PDZRN3: variants seen among roughly 807,000 people sequenced by gnomAD.
PDZRN3 encodes the protein E3 ubiquitin-protein ligase PDZRN3.
In PDZRN3, 38 loss-of-function variants were observed where a neutral mutation model predicts 85.7. The ratio of observed to expected loss-of-function variants is 0.44; its 90% CI spans 0.34 to 0.58. The LOEUF (loss-of-function observed/expected upper bound fraction) is 0.58, where lower values mean the gene tolerates loss of function less well. Among genes scored for constraint, PDZRN3 ranks in the 20% least tolerant of loss-of-function variants. The probability of loss-of-function intolerance (pLI) is 0.01; values close to 1 mark genes in which losing one functional copy is unlikely to be tolerated. For synonymous variants in PDZRN3, 759 were observed against 638.0 expected (o/e 1.19, Z -2.86); for missense variants, 1,629 against 1,506.4 (o/e 1.08, Z -1.35).
Position 73,439,728 on chromosome 3 carries a change from A to ATATTTTATTT in PDZRN3, c.919-35343_919-35334dup, listed in dbSNP as rs55923666. On this transcript the variant is annotated intron_variant, in intron 3 of 9. Coordinates refer to ENST00000263666, the MANE Select transcript of PDZRN3 (RefSeq NM_015009.3). ...GCTCAGAACATCTGCTTAGGCCCTC[A>ATATTTTATTT]TATTTTATTTTATTTTATTTTATTT... Among the ~76,000 whole-genome samples, 485 of 150,998 alleles carry ATATTTTATTT rather than the reference A, an allele frequency of 3.2e-3. 3 individuals carry two copies. The highest frequency in any genetic ancestry group is 0.015 in the Admixed American group (224 of 15,154).
intron 3 of PDZRN3, among the ~76,000 whole-genome samples, chr3:73,497,751 C>T (rs1424173326): frequency 6.6e-6 from 1 of 152,146 alleles, no homozygotes; most frequent in African/African-American, 2.4e-5. Flanking sequence ...CCATATATAT[C>T]TAGGGATATA....
At chr3:73,611,588 T>C (rs1702686313) in intron 1 of PDZRN3, among the ~76,000 whole-genome samples, 1 of 152,206 alleles carries the variant, frequency 6.6e-6, no homozygotes, top group African/African-American at 2.4e-5. Context: ...TAAAGCAACA[T>C]GTAGAAGATT....
chr3:73,534,570 G>T (rs537541414), intron 3 of PDZRN3, among the ~76,000 whole-genome samples: 3 of 152,144 alleles, frequency 2.0e-5, no homozygotes, highest in Non-Finnish European at 4.4e-5. Flanking sequence ...ATGTTCATGG[G>T]AACTAATGAC....
At chr3:73,623,966 G>A (rs1388738555) in intron 1 of PDZRN3, 137 bp downstream of exon 1, 6 of 849,602 alleles carry the variant, frequency 7.1e-6, no homozygotes, top group Non-Finnish European at 1.0e-5. Flanking sequence ...GATACAGCTG[G>A]TAAGCAGTGG....
intron 3 of PDZRN3, among the ~76,000 whole-genome samples, chr3:73,592,013 T>C (rs544248634): frequency 1.1e-3 from 161 of 152,278 alleles, no homozygotes; most frequent in African/African-American, 3.7e-3. Context: ...TGGTTTCTCT[T>C]CCCCTGTTAT....
At chr3:73,434,854 TCTC>T (rs1444033346) in intron 3 of PDZRN3, among the ~76,000 whole-genome samples, 7 of 152,230 alleles carry the variant, frequency 4.6e-5, no homozygotes, top group African/African-American at 1.7e-4. Context: ...GCCTTGCTTC[TCTC>T]CTCCTTCAGC....
In PDZRN3 at chr3:73,383,284, A is replaced by C; in HGVS notation, c.*81T>G. 1 of 1,351,892 alleles carries C rather than the reference A, an allele frequency of 7.4e-7. No individual in the cohort carries two copies. Among genetic ancestry groups the C allele is most frequent in the Non-Finnish European group, 1.0e-6 (1 of 982,332 alleles). 83.7% of individuals were successfully genotyped at this position (1,351,892 alleles called of 1,614,324 possible). ...AAGACCGTACTTATCTTATATACAA[A>C]AACTTGCCGCATTGAACGAGGCAGG... is the stretch of plus-strand genomic sequence containing the variant. On this transcript the variant is annotated 3_prime_UTR_variant, in exon 10 of 10. Transcript: ENST00000263666.
At chr3:73,390,097 C>A (rs1339041305) in intron 6 of PDZRN3, among the ~76,000 whole-genome samples, 1 of 152,182 alleles carries the variant, frequency 6.6e-6, no homozygotes, top group African/African-American at 2.4e-5. Flanking sequence ...TGTGTAGCAA[C>A]CCTGTTACAC....
chr3:73,528,023 C>A (rs969715469), intron 3 of PDZRN3, among the ~76,000 whole-genome samples: 5 of 152,238 alleles, frequency 3.3e-5, no homozygotes, highest in Non-Finnish European at 5.9e-5. Flanking sequence ...ACACAATAAA[C>A]CTGGACAAAT....
chr3:73,425,017 A>ATT (rs201821381), intron 3 of PDZRN3, among the ~76,000 whole-genome samples: 2,288 of 143,398 alleles, frequency 0.016, 32 homozygotes, highest in Middle Eastern at 0.032. Flanking sequence ...ATCCATCAGT[A>ATT]TTTTTTTTTT....
At chr3:73,598,005 A>G (rs187024167) in intron 3 of PDZRN3, among the ~76,000 whole-genome samples, 1 of 152,204 alleles carries the variant, frequency 6.6e-6, no homozygotes, top group African/African-American at 2.4e-5. Context: ...CATCCCTAAG[A>G]GAATTTTGAG....
chr3:73,506,234 C>T (rs749656049), intron 3 of PDZRN3, among the ~76,000 whole-genome samples: 124 of 152,294 alleles, frequency 8.1e-4, no homozygotes, highest in Non-Finnish European at 1.4e-3. Flanking sequence ...TCAGGTTGAT[C>T]TTGCAACGTC....
chr3:73,433,602 C>A (rs1011364182), intron 3 of PDZRN3: 2 of 1,376,544 alleles, frequency 1.5e-6, no homozygotes, highest in South Asian at 1.2e-5. Context: ...CAGGTGGGTG[C>A]CTATGCACTT....
At chr3:73,560,370 A>G (rs965470676) in intron 3 of PDZRN3, among the ~76,000 whole-genome samples, 6 of 152,226 alleles carry the variant, frequency 3.9e-5, no homozygotes, top group African/African-American at 1.4e-4. Flanking sequence ...GACAGAATTC[A>G]ACCTCGAGGC....
At chr3:73,390,573 C>T (rs1243132115) in intron 6 of PDZRN3, among the ~76,000 whole-genome samples, 3 of 151,458 alleles carry the variant, frequency 2.0e-5, no homozygotes, top group Non-Finnish European at 2.9e-5. Flanking sequence ...TTGATAAGTA[C>T]ATACAAGTCA....
intron 1 of PDZRN3, among the ~76,000 whole-genome samples, chr3:73,610,106 G>A (rs1289885434): frequency 1.3e-5 from 2 of 152,130 alleles, no homozygotes; most frequent in African/African-American, 4.8e-5. Context: ...TTTCTTGTGA[G>A]CCTCAACATC....
rs150644495 is a variant in PDZRN3, at chr3:73,425,071, G to C, written c.919-20676C>G. Among the ~76,000 whole-genome samples, 283 of 150,962 alleles carry C rather than the reference G, an allele frequency of 1.9e-3. 2 individuals carry two copies. Among genetic ancestry groups the C allele is most frequent in the African/African-American group, 6.7e-3 (276 of 41,122 alleles). On this transcript the variant is annotated intron_variant, in intron 3 of 9. Transcript: ENST00000263666. Reference sequence around the variant, plus strand: ...GCTCTGTTGTCCAGGTTGGAGTGCAGTGGTATGATCTCGGCTCACTGCAAG... The same window carrying C: ...GCTCTGTTGTCCAGGTTGGAGTGCACTGGTATGATCTCGGCTCACTGCAAG...
Position 73,404,163 on chromosome 3 carries a change from T to C in PDZRN3, c.1151A>G (p.Tyr384Cys), listed in dbSNP as rs751116291. 43 of 1,613,742 alleles carry C rather than the reference T, an allele frequency of 2.7e-5. No homozygotes were observed. The highest frequency in any genetic ancestry group is 3.3e-5 in the Non-Finnish European group (39 of 1,179,800). Residue 384 changes from tyrosine (Y) to cysteine (C), a missense_variant, in exon 4 of 10, where the codon TAT becomes TGT. Coordinates refer to ENST00000263666, the MANE Select transcript of PDZRN3 (RefSeq NM_015009.3). The part of the protein sequence containing the change: ...SSPSPPVLDP[Y>C]LLPEEHPSAH... ...GGTTACTTACTCCTCTGGCAAGAGATAGGGATCCAGCACGGGTGGGCTGGG... is the reference window on the plus strand; with the variant it reads ...GGTTACTTACTCCTCTGGCAAGAGACAGGGATCCAGCACGGGTGGGCTGGG...
At chr3:73,613,026 C>T (rs1440812903) in intron 1 of PDZRN3, among the ~76,000 whole-genome samples, 1 of 152,210 alleles carries the variant, frequency 6.6e-6, no homozygotes, top group Non-Finnish European at 1.5e-5. Context: ...ATGGAGAATG[C>T]CTAATCTCAC....
Sources: gnomAD v4.1 joint callset for allele counts (sites outside exome capture counted in the v4.1 genomes callset) on GRCh38, gnomAD v4.1.1 for gene constraint, MANE v1.5 for transcripts, NCBI Gene and HGNC (gene_info 2026-07-23, HGNC 2026-07-21) for gene names.